Variants in WDTC1 observed in about 807,000 individuals in gnomAD.
WDTC1 encodes WD and tetratricopeptide repeats protein 1.
WDTC1 carries 12 observed loss-of-function variants against 76.0 expected under a neutral mutation model. The observed-to-expected ratio is 0.16, with a 90% CI of 0.10 to 0.26. The LOEUF (loss-of-function observed/expected upper bound fraction) is 0.26. WDTC1 is among the 10% of genes least tolerant of loss of function. The pLI, the probability that WDTC1 is intolerant of heterozygous loss-of-function variation, is 1.00. For missense variants in WDTC1, 511 were observed against 908.8 expected, an observed-to-expected ratio of 0.56 and a Z score of 5.63; for synonymous variants, 326 against 350.8, an observed-to-expected ratio of 0.93 and a Z score of 0.79.
intron 12 of WDTC1, among the ~76,000 whole-genome samples, chr1:27,300,002 G>T (rs2013791141): frequency 1.3e-5 from 2 of 152,180 alleles, no homozygotes; most frequent in Admixed American, 6.5e-5. Context: ...CACCTTGCAG[G>T]CAGTAATTGG....
At chr1:27,289,715 G>A (rs1442149089) in intron 6 of WDTC1, among the ~76,000 whole-genome samples, 2 of 152,184 alleles carry the variant, frequency 1.3e-5, no homozygotes, top group Admixed American at 1.3e-4. Context: ...GAGTGAACGA[G>A]ACTCCGTCTG....
At chr1:27,267,652 A>C (rs2012718372) in intron 3 of WDTC1, among the ~76,000 whole-genome samples, 1 of 152,310 alleles carries the variant, frequency 6.6e-6, no homozygotes, top group East Asian at 1.9e-4. Flanking sequence ...TAAAATTCTT[A>C]CCTTTTCTCA....
chr1:27,241,528 T>G (rs2011630388), intron 1 of WDTC1, among the ~76,000 whole-genome samples: 1 of 152,108 alleles, frequency 6.6e-6, no homozygotes, highest in Non-Finnish European at 1.5e-5. Flanking sequence ...ATAACACTAC[T>G]GTCACTGAGT....
chr1:27,285,695 C>T (rs1012201797), intron 5 of WDTC1, among the ~76,000 whole-genome samples: 1 of 150,962 alleles, frequency 6.6e-6, no homozygotes, highest in Non-Finnish European at 1.5e-5. Flanking sequence ...CTCGGCTCAC[C>T]GCTGCCTCAG....
At chr1:27,276,941 T>C (rs2013046197) in intron 3 of WDTC1, among the ~76,000 whole-genome samples, 1 of 152,116 alleles carries the variant, frequency 6.6e-6, no homozygotes, top group South Asian at 2.1e-4. Context: ...TGATTTGAAA[T>C]TTTGTTTCTT....
At chr1:27,272,779 CAT>C (rs1399357057) in intron 3 of WDTC1, among the ~76,000 whole-genome samples, 2 of 152,044 alleles carry the variant, frequency 1.3e-5, no homozygotes, top group Admixed American at 6.6e-5. Context: ...CATGGTTACA[CAT>C]GTCTGTACTT....
At chr1:27,290,730 A>T (rs1295480997) in intron 6 of WDTC1, among the ~76,000 whole-genome samples, 1 of 152,136 alleles carries the variant, frequency 6.6e-6, no homozygotes, top group Non-Finnish European at 1.5e-5. Context: ...CTTCTTTCTT[A>T]TCTCCCCAGC....
chr1:27,294,987 C>T (rs189847689), intron 9 of WDTC1, among the ~76,000 whole-genome samples: 20 of 152,294 alleles, frequency 1.3e-4, no homozygotes, highest in Admixed American at 1.1e-3. Context: ...TCAGTTTCCT[C>T]GTCTGCTATT....
chr1:27,247,797 C>T (rs1195253663), intron 1 of WDTC1, among the ~76,000 whole-genome samples: 3 of 150,556 alleles, frequency 2.0e-5, no homozygotes, highest in African/African-American at 7.3e-5. Context: ...CAGCTCACTA[C>T]AACCTCTGCC....
chr1:27,302,101 A>G (rs1018413484), intron 13 of WDTC1, among the ~76,000 whole-genome samples: 1 of 152,222 alleles, frequency 6.6e-6, no homozygotes, highest in Non-Finnish European at 1.5e-5. Context: ...GGAGGCAGAC[A>G]TGGATCTTCA....
intron 6 of WDTC1, among the ~76,000 whole-genome samples, chr1:27,290,229 G>A (rs908895500): frequency 1.3e-5 from 2 of 151,996 alleles, no homozygotes; most frequent in Admixed American, 6.6e-5. Context: ...CTACAGACAC[G>A]CTCCACCATG....
Position 27,306,543 on chromosome 1 carries a change from A to T in WDTC1, c.*160A>T, listed in dbSNP as rs1014690294. On this transcript the variant is annotated 3_prime_UTR_variant, in exon 16 of 16. Coordinates refer to ENST00000319394, the MANE Select transcript of WDTC1 (RefSeq NM_001276252.2). The surrounding 1 kb of genome is among the most constrained non-coding windows in gnomAD (Gnocchi z 5.0). Reference sequence around the variant, plus strand: ...GGCGTTAGGGGTGGAGGTTGCTACAACTTGCTGGCTTTCGGACTCTGGGCT... The same window carrying T: ...GGCGTTAGGGGTGGAGGTTGCTACATCTTGCTGGCTTTCGGACTCTGGGCT... 1.1e-6 allele frequency: 1 copy of T among 927,136 alleles called. No individual in the cohort carries two copies. The allele number at this position is 927,136 out of a possible 1,614,324, so 57.4% of individuals were successfully genotyped here.
rs371608355 is a variant in WDTC1 at position 27,294,073 on chromosome 1, G to A, written c.714G>A (p.Arg238=). Residue 238 remains arginine (R), a synonymous_variant, in exon 8 of 16, where the codon CGG becomes CGA. Transcript: ENST00000319394. ...PSAGVHTFCD[R]QKPLPDGAAQ... ...CGGGTGTGCACACCTTCTGTGACCG[G>A]CAGAAACCCCTTCCGGACGGTGCAG... 1.4e-5 allele frequency: 23 copies of A among 1,614,026 alleles called. No individual in the cohort carries two copies. The highest frequency in any genetic ancestry group is 1.9e-5 in the Non-Finnish European group (22 of 1,179,980).
intron 7 of WDTC1, among the ~76,000 whole-genome samples, chr1:27,293,435 T>TAA (rs35845132): frequency 0.029 from 3,839 of 130,580 alleles, 97 homozygotes; most frequent in African/African-American, 0.053. Flanking sequence ...CAGTCTCAAT[T>TAA]AAAAAAAAAA....
chr1:27,275,783 G>T (rs2013007282), intron 3 of WDTC1, among the ~76,000 whole-genome samples: 1 of 152,072 alleles, frequency 6.6e-6, no homozygotes, highest in Non-Finnish European at 1.5e-5. Flanking sequence ...TAATTGAGTG[G>T]TTTTGACTAT....
chr1:27,267,012 C>A (rs1368934960), intron 3 of WDTC1, among the ~76,000 whole-genome samples: 3 of 152,132 alleles, frequency 2.0e-5, no homozygotes, highest in Non-Finnish European at 4.4e-5. Flanking sequence ...TTTTGTTTTT[C>A]CACGTTAGAG....
intron 1 of WDTC1, among the ~76,000 whole-genome samples, chr1:27,251,250 GT>G (rs2012050013): frequency 6.6e-6 from 1 of 151,194 alleles, no homozygotes; most frequent in East Asian, 1.9e-4. Context: ...ATAGAAGAAA[GT>G]TTTCCAGTAT....
At chr1:27,286,314 T>G (rs201374724) in intron 5 of WDTC1, among the ~76,000 whole-genome samples, 1,920 of 130,268 alleles carry the variant, frequency 0.015, 22 homozygotes, top group East Asian at 0.024. Context: ...GTTTTTTTTG[T>G]TTTTTTTTTT....
At chr1:27,247,799 A>T (rs777340924) in intron 1 of WDTC1, among the ~76,000 whole-genome samples, 1 of 150,116 alleles carries the variant, frequency 6.7e-6, no homozygotes, top group Non-Finnish European at 1.5e-5. Flanking sequence ...GCTCACTACA[A>T]CCTCTGCCTC....
Sources: gnomAD v4.1 joint callset for allele counts (sites outside exome capture counted in the v4.1 genomes callset) on GRCh38, gnomAD v4.1.1 for gene constraint, Gnocchi (gnomAD v3.1) non-coding constraint, MANE v1.5 for transcripts, NCBI Gene and HGNC (gene_info 2026-07-23, HGNC 2026-07-21) for gene names.